NECTIN3: variants seen among roughly 807,000 people sequenced by gnomAD.
The protein encoded by NECTIN3 is nectin cell adhesion molecule 3.
NECTIN3 carries 8 observed loss-of-function variants against 49.4 expected under a neutral mutation model. That is an observed-to-expected ratio of 0.16 (90% confidence interval 0.10 to 0.29). NECTIN3 has a LOEUF of 0.29. Ranked by LOEUF, NECTIN3 falls within the 10% of genes least tolerant of loss-of-function variation. The pLI is 1.00. For missense variants in NECTIN3, 581 were observed against 654.6 expected (o/e 0.89, Z 1.23); for synonymous variants, 277 against 241.1 (o/e 1.15, Z -1.38).
chr3:111,093,996 GAC>G (rs1458870186), intron 1 of NECTIN3, among the ~76,000 whole-genome samples: 1 of 151,940 alleles, frequency 6.6e-6, no homozygotes, highest in African/African-American at 2.4e-5. Flanking sequence ...ATCAAATTGT[GAC>G]AGTTACTTTA....
rs1205028393 is a variant in NECTIN3, at chr3:111,157,256, T to G, written c.1221+9772T>G. ...AATCATTTTCGTATTTACTAATGTG[T>G]CACAACTTACTTTCCTTACCTTTGA... On this transcript the variant is annotated intron_variant, in intron 7 of 8. Coordinates refer to the NECTIN3 transcript ENST00000493615. 4.6e-5 allele frequency among the ~76,000 whole-genome samples: 7 copies of G among 152,122 alleles called. No homozygotes were observed. The East Asian group carries it at 1.4e-3, about 29-fold the overall frequency.
intron 1 of NECTIN3, among the ~76,000 whole-genome samples, chr3:111,079,974 T>C (rs990102265): frequency 7.2e-5 from 11 of 152,200 alleles, no homozygotes; most frequent in African/African-American, 2.4e-4. Flanking sequence ...TTCAAGGTGT[T>C]GCATTGTTTA....
At chr3:111,137,906 A>T (rs187152632), downstream of NECTIN3, among the ~76,000 whole-genome samples, 596 of 150,640 alleles carry the variant, frequency 4.0e-3, 5 homozygotes, top group Non-Finnish European at 4.4e-3. Context: ...TATTAAGCCC[A>T]GCATGCATTA....
chr3:111,136,269 G>A lies in NECTIN3; in HGVS notation c.*2054G>A, dbSNP rs2107499092. The A allele has an allele frequency of 1.0e-6, 1 of 965,422 alleles. No homozygotes were observed. Among genetic ancestry groups the A allele is most frequent in the Non-Finnish European group, 1.2e-6 (1 of 812,048 alleles). The allele number at this position is 965,422 out of a possible 1,614,324, so 59.8% of individuals were successfully genotyped here. A position where few individuals can be genotyped will look rare whatever the true frequency, so the allele number is the denominator to read the frequency against. The stretch of plus-strand genomic sequence containing the variant: ...GAGTATAATCTGAAGGAAATTAGCA[G>A]TGTATTTTAAGAAATATATTTCAAA... On this transcript the variant is annotated 3_prime_UTR_variant, in exon 6 of 6. Coordinates refer to ENST00000485303, the MANE Select transcript of NECTIN3 (RefSeq NM_015480.3).
chr3:111,101,433 G>T (rs1172796034), intron 1 of NECTIN3, among the ~76,000 whole-genome samples: 1 of 151,980 alleles, frequency 6.6e-6, no homozygotes, highest in Non-Finnish European at 1.5e-5. Context: ...GTAGAAATTT[G>T]CTATTTTCTA....
At chr3:111,160,964 G>T (rs960431102) in intron 7 of NECTIN3, among the ~76,000 whole-genome samples, 1 of 152,166 alleles carries the variant, frequency 6.6e-6, no homozygotes, top group African/African-American at 2.4e-5. Flanking sequence ...CCGAGGTTGC[G>T]CCACTGCACT....
intron 1 of NECTIN3, among the ~76,000 whole-genome samples, chr3:111,075,730 T>C (rs1186369678): frequency 6.6e-6 from 1 of 152,162 alleles, no homozygotes; most frequent in Non-Finnish European, 1.5e-5. Flanking sequence ...TACAGATGAG[T>C]ATTCAGAATA....
chr3:111,175,291 G>T (rs1378550200), intron 7 of NECTIN3, among the ~76,000 whole-genome samples: 2 of 151,684 alleles, frequency 1.3e-5, no homozygotes, highest in African/African-American at 4.8e-5. Flanking sequence ...GCAACTTCTT[G>T]GGCATGAAAA....
chr3:111,072,142 T>C lies in NECTIN3; in HGVS notation c.125T>C (p.Leu42Pro), dbSNP rs1454095387. 1 of 1,551,346 alleles carries C rather than the reference T, an allele frequency of 6.4e-7. No homozygotes were observed. Among genetic ancestry groups the C allele is most frequent in the South Asian group, 1.2e-5 (1 of 83,932 alleles). The change falls in exon 1 of 6, where the codon CTG becomes CCG. Residue 42 changes from leucine to proline, a missense_variant. Physicochemically the swap from Leu to Pro is moderately conservative, Grantham distance 98. Around this residue, in one of 3 missense-constraint regions of NECTIN3, gnomAD observed 109 missense variants for 69.1 expected, o/e 1.58. Coordinates refer to ENST00000485303, the MANE Select transcript of NECTIN3 (RefSeq NM_015480.3). ...QPPTPPPLLL[L>P]LFPLLLFSRL... is the part of the protein sequence containing the mutation. ...CCGACGCCACCTCCGCTGCTGCTGC[T>C]GCTCTTCCCGCTGCTGCTCTTCTCC...
At chr3:111,095,527 G>T (rs987436629) in intron 1 of NECTIN3, among the ~76,000 whole-genome samples, 1 of 152,132 alleles carries the variant, frequency 6.6e-6, no homozygotes, top group Non-Finnish European at 1.5e-5. Flanking sequence ...ATCTAATCTG[G>T]TTATATTCAG....
chr3:111,145,169 C>T (rs2034844490), intron 6 of NECTIN3: 1 of 1,062,198 alleles, frequency 9.4e-7, no homozygotes. Flanking sequence ...TGTTAGATGA[C>T]CGTGGTTTCA....
At chr3:111,154,867 A>G (rs1346730941) in intron 7 of NECTIN3, among the ~76,000 whole-genome samples, 1 of 152,022 alleles carries the variant, frequency 6.6e-6, no homozygotes, top group African/African-American at 2.4e-5. Flanking sequence ...TTCTTTATAT[A>G]TTTTAGATAC....
At chr3:111,116,074 A>G (rs1173810888) in intron 2 of NECTIN3, among the ~76,000 whole-genome samples, 1 of 152,056 alleles carries the variant, frequency 6.6e-6, no homozygotes, top group East Asian at 1.9e-4. Context: ...AAAATTGGGG[A>G]AAGTTCAGAA....
intron 4 of NECTIN3, 46 bp from the exon 5 acceptor site, chr3:111,126,138 A>T: frequency 7.4e-7 from 1 of 1,350,638 alleles, no homozygotes; most frequent in Non-Finnish European, 9.8e-7. Flanking sequence ...GTCAATAAAT[A>T]TAGTCTGAAG....
At chr3:111,074,337 T>TAC in intron 1 of NECTIN3, 1 of 397,982 alleles carries the variant, frequency 2.5e-6, no homozygotes, top group Admixed American at 2.6e-5. Flanking sequence ...GCTTACAAGG[T>TAC]TTGGCATGTA....
At chr3:111,104,772 G>A (rs1205047137) in intron 1 of NECTIN3, among the ~76,000 whole-genome samples, 1 of 152,070 alleles carries the variant, frequency 6.6e-6, no homozygotes, top group Non-Finnish European at 1.5e-5. Flanking sequence ...TCGAAGAGCA[G>A]AATTTTTTTT....
intron 7 of NECTIN3, among the ~76,000 whole-genome samples, chr3:111,170,320 G>A (rs1448225387): frequency 3.3e-5 from 5 of 152,060 alleles, no homozygotes; most frequent in Non-Finnish European, 7.4e-5. Context: ...CTACTTATAT[G>A]GTAGGCATTG....
intron 1 of NECTIN3, among the ~76,000 whole-genome samples, chr3:111,090,749 T>A (rs1218702648): frequency 6.6e-6 from 1 of 152,018 alleles, no homozygotes; most frequent in Non-Finnish European, 1.5e-5. Context: ...TCCTTTGTAT[T>A]TTCTTTAGTG....
intron 1 of NECTIN3, among the ~76,000 whole-genome samples, chr3:111,073,839 T>A (rs1005435062): frequency 2.0e-5 from 3 of 152,230 alleles, no homozygotes; most frequent in African/African-American, 7.2e-5. Flanking sequence ...CATGATAATT[T>A]CTTAGTGGTT....
Sources: allele counts gnomAD v4.1 joint callset (sites outside exome capture counted in the v4.1 genomes callset), GRCh38; gene constraint gnomAD v4.1.1; regional missense constraint gnomAD v4.1.1; transcripts MANE v1.5; gene names NCBI Gene and HGNC (gene_info 2026-07-23, HGNC 2026-07-21).